Variants in N4BP2L1 observed in about 807,000 individuals in gnomAD.
N4BP2L1 encodes the protein NEDD4-binding protein 2-like 1.
N4BP2L1 carries 12 observed loss-of-function variants against 21.2 expected under a neutral mutation model. The ratio of observed to expected loss-of-function variants is 0.57; its 90% CI spans 0.36 to 0.92. The LOEUF is 0.92. Ranked by LOEUF, N4BP2L1 falls within the 40% of genes least tolerant of loss-of-function variation. The pLI is 0.01. For missense variants in N4BP2L1, 259 were observed against 310.6 expected, an observed-to-expected ratio of 0.83 and a Z score of 1.25; for synonymous variants, 104 against 112.8, an observed-to-expected ratio of 0.92 and a Z score of 0.49.
chr13:32,402,674 G>T lies in N4BP2L1; in HGVS notation c.*268C>A. 2 of 1,227,588 alleles carry T rather than the reference G, an allele frequency of 1.6e-6. No homozygotes were observed. The allele number at this position is 1,227,588 out of a possible 1,614,324, so 76.0% of individuals were successfully genotyped here. ...TGAACCTATGTAAATATATTCTTGG[G>T]TGTGTTCTCAAGTTTTGGTTTCAAA... On this transcript the variant is annotated 3_prime_UTR_variant, in exon 5 of 5. Transcript: ENST00000380130.
chr13:32,419,412 A>ATTTTTTTTTTTTTT lies in N4BP2L1; in HGVS notation c.179+8478_179+8491dup, dbSNP rs71071039. 482 of 284,686 alleles carry ATTTTTTTTTTTTTT rather than the reference A, an allele frequency of 1.7e-3. 35 individuals are homozygous for ATTTTTTTTTTTTTT. The highest frequency in any genetic ancestry group is 2.2e-3 in the Non-Finnish European group (347 of 158,710). The allele number at this position is 284,686 out of a possible 1,614,324, so 17.6% of individuals were successfully genotyped here. On this transcript the variant is annotated intron_variant, in intron 1 of 4. Coordinates refer to ENST00000380130, the MANE Select transcript of N4BP2L1 (RefSeq NM_052818.3). ...GGGTGCTTGCCACCATGCTTGGCTA[A>ATTTTTTTTTTTTTT]TTTTTTTTTTTTTTTTTTTTTTTTT...
At chr13:32,407,584 CA>C (rs769303420) in intron 2 of N4BP2L1, 60 bp downstream of exon 2, 1 of 1,606,956 alleles carries the variant, frequency 6.2e-7, no homozygotes, top group South Asian at 1.1e-5. Flanking sequence ...ATTCATTCTG[CA>C]GCAGCTACAA....
intron 3 of N4BP2L1, chr13:32,406,984 A>C: frequency 2.1e-6 from 1 of 467,258 alleles, no homozygotes; most frequent in South Asian, 2.2e-5. Flanking sequence ...TAATTAAGAC[A>C]GAAAAGTTAT....
Position 32,417,335 on chromosome 13 carries a change from G to A in N4BP2L1, c.180-9563C>T, listed in dbSNP as rs1042361092. On this transcript the variant is annotated intron_variant, in intron 1 of 4. Transcript: ENST00000380130. ...GAATCATGGCAATGGTTACCCTCAT[G>A]CTGTTCTCATGATAGTGGGTTCTCA... 3.9e-5 allele frequency among the ~76,000 whole-genome samples: 6 copies of A among 152,266 alleles called. No homozygotes were observed. The South Asian group carries it at 1.0e-3, about 26-fold the overall frequency.
intron 1 of N4BP2L1, among the ~76,000 whole-genome samples, chr13:32,416,854 TC>T (rs2074171128): frequency 1.3e-5 from 2 of 152,098 alleles, no homozygotes; most frequent in African/African-American, 4.8e-5. Flanking sequence ...TCTTGCTCTG[TC>T]GCCCAGGCTG....
rs1438577834 is a variant in N4BP2L1 at position 32,402,728 on chromosome 13, C to T, written c.*214G>A. 2 of 1,331,924 alleles carry T rather than the reference C, an allele frequency of 1.5e-6. No homozygotes were observed. The highest frequency in any genetic ancestry group is 1.5e-5 in the African/African-American group (1 of 67,550). 82.5% of individuals were successfully genotyped at this position (1,331,924 alleles called of 1,614,324 possible). The stretch of plus-strand genomic sequence containing the variant: ...TTACCCTAGAGAAAGAGACTGTTTA[C>T]TCAAATCTGCAGAATTCCCAGCATC... On this transcript the variant is annotated 3_prime_UTR_variant, in exon 5 of 5. Coordinates refer to ENST00000380130, the MANE Select transcript of N4BP2L1 (RefSeq NM_052818.3).
chr13:32,425,019 A>G (rs868789347), intron 1 of N4BP2L1: 12 of 152,228 alleles, frequency 7.9e-5, no homozygotes, highest in African/African-American at 2.4e-4. Context: ...GATTTCCTCC[A>G]AATTTTGAAG....
At chr13:32,407,884 A>G in intron 1 of N4BP2L1, 112 bp from the exon 2 acceptor site, 1 of 1,250,450 alleles carries the variant, frequency 8.0e-7, no homozygotes. Context: ...TGAGACCACC[A>G]GGTTTGGAGT....
intron 1 of N4BP2L1, among the ~76,000 whole-genome samples, chr13:32,409,345 T>A (rs1459806838): frequency 6.6e-6 from 1 of 152,244 alleles, no homozygotes. Flanking sequence ...TTTTCTTTTT[T>A]AATGAACTAA....
In N4BP2L1 at chr13:32,407,397, G is replaced by A. The variant is rs566127584; in HGVS notation, c.308-59C>T. Reference sequence around the variant, plus strand: ...TGCAACAATCAGAGGGAAGGTGAGCGTAATCTCTATTCGTCATTTTTATTA... The same window carrying A: ...TGCAACAATCAGAGGGAAGGTGAGCATAATCTCTATTCGTCATTTTTATTA... On this transcript the variant is annotated intron_variant, in intron 2 of 4. Coordinates refer to ENST00000380130, the MANE Select transcript of N4BP2L1 (RefSeq NM_052818.3). 55 of 1,612,536 alleles carry A rather than the reference G, an allele frequency of 3.4e-5. No individual in the cohort carries two copies. The African/African-American group carries it at 5.2e-4, about 15-fold the overall frequency.
chr13:32,418,698 G>A (rs370605220), intron 1 of N4BP2L1, among the ~76,000 whole-genome samples: 9 of 152,364 alleles, frequency 5.9e-5, no homozygotes, highest in African/African-American at 2.2e-4. Context: ...AGCCACAGGG[G>A]TGGAGCTGCC....
intron 1 of N4BP2L1, chr13:32,425,971 T>C (rs2138013150): frequency 6.6e-6 from 1 of 152,100 alleles, no homozygotes; most frequent in Non-Finnish European, 1.5e-5. Context: ...GAGAGAGAGA[T>C]GGTCTGTAAT....
rs547480199 is a variant in N4BP2L1 at position 32,407,396 on chromosome 13, C to T, written c.308-58G>A. 59 of 1,612,738 alleles carry T rather than the reference C, an allele frequency of 3.7e-5. No individual in the cohort carries two copies. In the African/African-American group the frequency reaches 6.4e-4, roughly 17 times the overall value. On this transcript the variant is annotated intron_variant, in intron 2 of 4. Coordinates refer to ENST00000380130, the MANE Select transcript of N4BP2L1 (RefSeq NM_052818.3). ...ATGCAACAATCAGAGGGAAGGTGAG[C>T]GTAATCTCTATTCGTCATTTTTATT...
intron 1 of N4BP2L1, among the ~76,000 whole-genome samples, chr13:32,423,988 A>G (rs1483388525): frequency 6.6e-6 from 1 of 152,256 alleles, no homozygotes; most frequent in Non-Finnish European, 1.5e-5. Flanking sequence ...AGGTTCACCC[A>G]TGGATGCTTT....
chr13:32,402,322 C>T lies in N4BP2L1; in HGVS notation c.*620G>A, dbSNP rs2073174683. 1.7e-6 allele frequency: 1 copy of T among 572,980 alleles called. No homozygotes were observed. Among genetic ancestry groups the T allele is most frequent in the Admixed American group, 6.4e-5 (1 of 15,740 alleles). The allele number at this position is 572,980 out of a possible 1,614,324, so 35.5% of individuals were successfully genotyped here. Reference sequence around the variant, plus strand: ...CCTGTAGCTATTAAGGATTTGACAGCATTTTTAACAATGATACATCATTAA... The same window carrying T: ...CCTGTAGCTATTAAGGATTTGACAGTATTTTTAACAATGATACATCATTAA... On this transcript the variant is annotated 3_prime_UTR_variant, in exon 5 of 5. Transcript: ENST00000380130.
intron 1 of N4BP2L1, among the ~76,000 whole-genome samples, chr13:32,417,734 C>T (rs1459263557): frequency 6.6e-6 from 1 of 152,170 alleles, no homozygotes; most frequent in Admixed American, 6.5e-5. Flanking sequence ...TGTTGAATGG[C>T]TTTGACCAAA....
intron 3 of N4BP2L1, chr13:32,407,046 C>A: frequency 1.7e-6 from 1 of 584,668 alleles, no homozygotes; most frequent in Non-Finnish European, 3.0e-6. Flanking sequence ...AAATTGTATC[C>A]TCAAGTGAGA....
chr13:32,422,924 A>C (rs969002215), intron 1 of N4BP2L1, among the ~76,000 whole-genome samples: 2 of 152,244 alleles, frequency 1.3e-5, no homozygotes, highest in Non-Finnish European at 2.9e-5. Flanking sequence ...TTATATTCAC[A>C]GAGTTGGAAT....
chr13:32,428,257 T>G, upstream of N4BP2L1: 1 of 509,990 alleles, frequency 2.0e-6, no homozygotes, highest in Non-Finnish European at 3.1e-6. Context: ...GGGGCGTCCC[T>G]ACCTGGAAAG....
Sources: gnomAD v4.1 joint callset for allele counts (sites outside exome capture counted in the v4.1 genomes callset) on GRCh38, gnomAD v4.1.1 for gene constraint, MANE v1.5 for transcripts, NCBI Gene and HGNC (gene_info 2026-07-23, HGNC 2026-07-21) for gene names.